Variants in TAB2 observed in about 807,000 individuals in gnomAD.
TAB2 encodes TGF-beta-activated kinase 1 and MAP3K7-binding protein 2.
A neutral mutation model predicts 65.0 loss-of-function variants in TAB2; 3 were observed. That is an observed-to-expected ratio of 0.05 (90% CI 0.02 to 0.12). TAB2 has a LOEUF of 0.12. Among genes scored for constraint, TAB2 ranks in the 10% least tolerant of loss-of-function variants. The pLI, the probability that TAB2 is intolerant of heterozygous loss-of-function variation, is 1.00. For missense variants in TAB2, 623 were observed against 840.3 expected, an observed-to-expected ratio of 0.74 and a Z score of 3.20; for synonymous variants, 298 against 285.1, an observed-to-expected ratio of 1.05 and a Z score of -0.46.
intron 1 of TAB2, among the ~76,000 whole-genome samples, chr6:149,294,134 C>T (rs1778832290): frequency 6.6e-6 from 1 of 152,098 alleles, no homozygotes; most frequent in South Asian, 2.1e-4. Flanking sequence ...CTAGGGATGC[C>T]ATAACAGTAC....
intron 1 of TAB2, among the ~76,000 whole-genome samples, chr6:149,329,405 T>C (rs1779716507): frequency 6.6e-6 from 1 of 152,072 alleles, no homozygotes; most frequent in Admixed American, 6.5e-5. Context: ...GTTGTGATGG[T>C]GATGTTCACC....
chr6:149,378,063 A>G lies in TAB2; in HGVS notation c.148A>G (p.Ser50Gly). The G allele has an allele frequency of 6.2e-7, 1 of 1,614,138 alleles. No homozygotes were observed. Among genetic ancestry groups the G allele is most frequent in the Non-Finnish European group, 8.5e-7 (1 of 1,179,996 alleles). Residue 50 changes from serine to glycine, a missense_variant, in exon 3 of 7, where the codon AGT (serine) becomes GGT (glycine). By Grantham distance (56) the Ser-to-Gly change is moderately conservative. This residue lies in a region of TAB2 where 550 missense variants were observed against 665.7 expected (regional missense o/e 0.83). Coordinates refer to ENST00000637181, the MANE Select transcript of TAB2 (RefSeq NM_001292034.3). Reference sequence around the variant, plus strand: ...CTGCTGTGCTGTTCTCTCTCAGGAGAGTACAAGATATCTTTATGGTGAAGG... The same window carrying G: ...CTGCTGTGCTGTTCTCTCTCAGGAGGGTACAAGATATCTTTATGGTGAAGG... ...DACCAVLSQESTRYLYGEGDL... is the reference protein window; with the variant it reads ...DACCAVLSQEGTRYLYGEGDL...
At chr6:149,408,407 TAAGA>T (rs990247345) in intron 6 of TAB2, among the ~76,000 whole-genome samples, 6 of 152,220 alleles carry the variant, frequency 3.9e-5, no homozygotes, top group Admixed American at 2.0e-4. Flanking sequence ...GTACAATGAG[TAAGA>T]AAGGTGCTGC....
chr6:149,325,313 G>T (rs1349007973), intron 1 of TAB2, among the ~76,000 whole-genome samples: 1 of 152,094 alleles, frequency 6.6e-6, no homozygotes, highest in Non-Finnish European at 1.5e-5. Context: ...GTTACATTAG[G>T]ATATGTAGCT....
At chr6:149,388,084 T>G (rs775593391) in intron 3 of TAB2, among the ~76,000 whole-genome samples, 3 of 152,236 alleles carry the variant, frequency 2.0e-5, no homozygotes, top group Middle Eastern at 3.2e-3. Flanking sequence ...GATGTATCAT[T>G]TAGGCTTGGT....
chr6:149,355,021 A>G (rs1780611391), intron 1 of TAB2, among the ~76,000 whole-genome samples: 1 of 152,222 alleles, frequency 6.6e-6, no homozygotes, highest in Non-Finnish European at 1.5e-5. Flanking sequence ...TGACATCTAT[A>G]GAGACTGCAC....
intron 1 of TAB2, among the ~76,000 whole-genome samples, chr6:149,229,364 G>A (rs752057430): frequency 1.9e-4 from 29 of 151,770 alleles, no homozygotes; most frequent in Non-Finnish European, 4.0e-4. Context: ...TGTGCTCCAT[G>A]CAGATGGCAC....
intron 1 of TAB2, among the ~76,000 whole-genome samples, chr6:149,220,249 C>T (rs116473570): frequency 6.6e-6 from 1 of 152,176 alleles, no homozygotes; most frequent in Non-Finnish European, 1.5e-5. Flanking sequence ...TTTTTATAAA[C>T]CTTTCAGATA....
chr6:149,252,234 C>T (rs2114655991), intron 1 of TAB2, among the ~76,000 whole-genome samples: 1 of 151,996 alleles, frequency 6.6e-6, no homozygotes, highest in African/African-American at 2.4e-5. Context: ...TGGAGAAACC[C>T]ATCTCTACTA....
intron 6 of TAB2, among the ~76,000 whole-genome samples, chr6:149,408,184 A>G (rs548940690): frequency 6.6e-6 from 1 of 152,278 alleles, no homozygotes; most frequent in Admixed American, 6.5e-5. Context: ...ATTTCTTTTC[A>G]GTTGTTTCAG....
intron 1 of TAB2, among the ~76,000 whole-genome samples, chr6:149,226,274 G>A (rs1777273372): frequency 6.6e-6 from 1 of 152,220 alleles, no homozygotes; most frequent in African/African-American, 2.4e-5. Flanking sequence ...ATGGCTGTAG[G>A]CTGAGAGTGA....
At chr6:149,365,630 A>G (rs1374535042) in intron 1 of TAB2, among the ~76,000 whole-genome samples, 1 of 151,974 alleles carries the variant, frequency 6.6e-6, no homozygotes, top group Non-Finnish European at 1.5e-5. Context: ...GGATTTGCTG[A>G]TATTTTAAAT....
intron 4 of TAB2, 38 bp downstream of exon 4, chr6:149,397,802 C>T (rs1257545688): frequency 1.9e-6 from 3 of 1,609,030 alleles, no homozygotes; most frequent in Admixed American, 1.7e-5. Context: ...TCTGCTTGAA[C>T]ATGAGAGTAG....
intron 3 of TAB2, among the ~76,000 whole-genome samples, chr6:149,389,975 A>G (rs59090184): frequency 0.035 from 5,380 of 152,280 alleles, 323 homozygotes; most frequent in African/African-American, 0.12. Flanking sequence ...TTTTACATCT[A>G]TTGCCCAAAT....
chr6:149,218,681 T>C, exon 1 of TAB2: 1 of 450,540 alleles, frequency 2.2e-6, no homozygotes, highest in South Asian at 1.6e-5. Context: ...TGTAAAGATC[T>C]AAACACCATC....
chr6:149,344,936 T>C (rs1209041208), intron 1 of TAB2, among the ~76,000 whole-genome samples: 1 of 152,186 alleles, frequency 6.6e-6, no homozygotes, highest in African/African-American at 2.4e-5. Context: ...GTGATTATAC[T>C]CTAGGCTCAG....
chr6:149,294,555 G>A (rs546426138), intron 1 of TAB2, among the ~76,000 whole-genome samples: 2 of 152,184 alleles, frequency 1.3e-5, no homozygotes, highest in Admixed American at 6.5e-5. Flanking sequence ...TATGCTTTGA[G>A]CATCTGCTCT....
intron 1 of TAB2, among the ~76,000 whole-genome samples, chr6:149,236,612 A>T (rs925221862): frequency 1.3e-5 from 2 of 152,214 alleles, no homozygotes; most frequent in Middle Eastern, 3.2e-3. Context: ...TTATATAAAA[A>T]TTTTTTGAGT....
At chr6:149,319,108 C>CT (rs1779354317) in intron 1 of TAB2, among the ~76,000 whole-genome samples, 1 of 152,104 alleles carries the variant, frequency 6.6e-6, no homozygotes, top group Non-Finnish European at 1.5e-5. Flanking sequence ...TGTAAAGTGT[C>CT]TAATTTTGGG....
Sources: allele counts gnomAD v4.1 joint callset (sites outside exome capture counted in the v4.1 genomes callset), GRCh38; gene constraint gnomAD v4.1.1; regional missense constraint gnomAD v4.1.1; transcripts MANE v1.5; gene names NCBI Gene and HGNC (gene_info 2026-07-23, HGNC 2026-07-21).